The following FRMD6 variants were observed in gnomAD, a reference collection of about 807,000 sequenced individuals.
The protein encoded by FRMD6 is FERM domain containing 6.
Under a neutral mutation model 73.2 loss-of-function variants are expected in FRMD6, and 37 were observed. The ratio of observed to expected loss-of-function variants is 0.51; its 90% CI spans 0.39 to 0.66. The LOEUF (loss-of-function observed/expected upper bound fraction) is 0.66. Among genes scored for constraint, FRMD6 ranks in the 30% least tolerant of loss-of-function variants. FRMD6 has a pLI of 0.00. For synonymous variants in FRMD6, 273 were observed against 282.2 expected, an observed-to-expected ratio of 0.97 and a Z score of 0.33; for missense variants, 714 against 780.5, an observed-to-expected ratio of 0.91 and a Z score of 1.02.
chr14:51,677,547 T>G (rs1246280205), intron 1 of FRMD6, among the ~76,000 whole-genome samples: 1 of 152,112 alleles, frequency 6.6e-6, no homozygotes, highest in Non-Finnish European at 1.5e-5. Flanking sequence ...TTGAAAGGAA[T>G]TTTTGTGCCT....
intron 2 of FRMD6, among the ~76,000 whole-genome samples, chr14:51,612,161 A>C (rs1460086320): frequency 6.6e-6 from 1 of 152,240 alleles, no homozygotes; most frequent in Non-Finnish European, 1.5e-5. Flanking sequence ...TAGTGCATTT[A>C]ATCCTTTCAT....
chr14:51,503,668 G>A lies in FRMD6; in HGVS notation c.-210+14248G>A, dbSNP rs1236196189. On this transcript the variant is annotated intron_variant, in intron 1 of 14. Coordinates refer to the FRMD6 transcript ENST00000356218. ...CATTGATGTTCATCAAGGATATTGGGCTGAAGTTTTTTGTTTTTTTTTTTT... is the reference window on the plus strand; with the variant it reads ...CATTGATGTTCATCAAGGATATTGGACTGAAGTTTTTTGTTTTTTTTTTTT... 2.3e-5 allele frequency among the ~76,000 whole-genome samples: 3 copies of A among 131,650 alleles called. No individual in the cohort carries two copies. In the East Asian group the frequency reaches 7.2e-4, roughly 32 times the overall value. The allele number at this position is 131,650 out of a possible 152,430, so 86.4% of individuals were successfully genotyped here.
At chr14:51,534,036 T>C (rs1451687926) in intron 1 of FRMD6, among the ~76,000 whole-genome samples, 1 of 152,264 alleles carries the variant, frequency 6.6e-6, no homozygotes, top group African/African-American at 2.4e-5. Flanking sequence ...TTGGGTTGAC[T>C]GGTTGTTGCA....
At chr14:51,613,629 C>T (rs1890598866) in intron 2 of FRMD6, among the ~76,000 whole-genome samples, 1 of 152,094 alleles carries the variant, frequency 6.6e-6, no homozygotes, top group South Asian at 2.1e-4. Context: ...GTTTTGTCAG[C>T]ATCATAGCTC....
At chr14:51,493,706 T>G (rs1465860562) in intron 1 of FRMD6, among the ~76,000 whole-genome samples, 1 of 152,240 alleles carries the variant, frequency 6.6e-6, no homozygotes, top group Admixed American at 6.5e-5. Flanking sequence ...ATTTACTATA[T>G]GAATATAGTT....
At chr14:51,466,718 A>G in the FRMD6 span, among the ~76,000 whole-genome samples, 1 of 152,208 alleles carries the variant, frequency 6.6e-6, no homozygotes, top group East Asian at 1.9e-4. Context: ...GCCTTATTCT[A>G]GATTCTTTGC....
chr14:51,640,072 A>G (rs1441494476), intron 2 of FRMD6, among the ~76,000 whole-genome samples: 1 of 152,208 alleles, frequency 6.6e-6, no homozygotes, highest in African/African-American at 2.4e-5. Flanking sequence ...TAGTTGAATG[A>G]CTTCTTATTG....
At chr14:51,548,499 C>G (rs1432921186) in intron 1 of FRMD6, among the ~76,000 whole-genome samples, 1 of 152,150 alleles carries the variant, frequency 6.6e-6, no homozygotes, top group African/African-American at 2.4e-5. Flanking sequence ...GTAATTAGCT[C>G]TGGATCCCTT....
the FRMD6 span, among the ~76,000 whole-genome samples, chr14:51,469,618 G>GAAAAA: frequency 6.2e-5 from 6 of 96,764 alleles, no homozygotes; most frequent in South Asian, 3.6e-4. Context: ...ATTTCAAAAA[G>GAAAAA]AAAAAAAAAA....
intron 2 of FRMD6, among the ~76,000 whole-genome samples, chr14:51,590,553 A>C (rs1404163637): frequency 6.6e-6 from 1 of 152,210 alleles, no homozygotes; most frequent in Non-Finnish European, 1.5e-5. Context: ...AAGTAAGAGT[A>C]CAGACTGTGT....
At chr14:51,531,515 T>C (rs1885582602) in intron 1 of FRMD6, among the ~76,000 whole-genome samples, 1 of 152,182 alleles carries the variant, frequency 6.6e-6, no homozygotes, top group South Asian at 2.1e-4. Context: ...CTGAATAAAG[T>C]CTGCAATTTG....
the FRMD6 span, among the ~76,000 whole-genome samples, chr14:51,405,192 T>G: frequency 2.0e-5 from 3 of 152,214 alleles, no homozygotes; most frequent in Non-Finnish European, 2.9e-5. Flanking sequence ...GGCATTTAGG[T>G]TGATTCCATA....
At chr14:51,707,441 G>T (rs1275366795) in intron 6 of FRMD6, among the ~76,000 whole-genome samples, 1 of 152,092 alleles carries the variant, frequency 6.6e-6, no homozygotes, top group African/African-American at 2.4e-5. Context: ...GCAGCTGCTG[G>T]ATACTATATA....
Position 51,519,908 on chromosome 14 carries a change from A to G in FRMD6, c.-210+30488A>G, listed in dbSNP as rs186769943. ...GGCAATATGATTTGATTTGGCACTG[A>G]ATTTTAAGAGACATTCACTCCACGC... On this transcript the variant is annotated intron_variant, in intron 1 of 14. Transcript: ENST00000356218. Among the ~76,000 whole-genome samples, 16 of 152,282 alleles carry G rather than the reference A, an allele frequency of 1.1e-4. No homozygotes were observed. In the East Asian group the frequency reaches 2.9e-3, roughly 28 times the overall value.
intron 7 of FRMD6, among the ~76,000 whole-genome samples, chr14:51,709,363 C>A (rs145409784): frequency 0.01 from 1,544 of 152,098 alleles, 12 homozygotes; most frequent in South Asian, 0.018. Flanking sequence ...AAAACAGTGC[C>A]CAGCACATGT....
At position 51,654,312 on chromosome 14, in the gene FRMD6, G is replaced by GA. The variant is rs1474339192; in HGVS notation, c.-147+2316_-147+2317insA. On this transcript the variant is annotated intron_variant, in intron 1 of 13. Transcript: ENST00000344768. The stretch of plus-strand genomic sequence containing the variant: ...GAACTAGGTTAGCTGAATTGGGGGG[G>GA]GGGTCTTTTTGTAGTTTTTGGATTT... 1.4e-5 allele frequency among the ~76,000 whole-genome samples: 2 copies of GA among 141,010 alleles called. 1 individual carries two copies. Among genetic ancestry groups the GA allele is most frequent in the Non-Finnish European group, 3.1e-5 (2 of 64,752 alleles). 92.5% of individuals were successfully genotyped at this position (141,010 alleles called of 152,430 possible). A position where few individuals can be genotyped will look rare whatever the true frequency, so the allele number is the denominator to read the frequency against.
intron 1 of FRMD6, among the ~76,000 whole-genome samples, chr14:51,549,595 CT>C (rs35356416): frequency 0.034 from 3,303 of 97,798 alleles, 21 homozygotes; most frequent in Middle Eastern, 0.075. Flanking sequence ...TTTTTTCTTT[CT>C]TTTTTTTTTT....
At chr14:51,467,185 C>A in the FRMD6 span, among the ~76,000 whole-genome samples, 4 of 152,042 alleles carry the variant, frequency 2.6e-5, no homozygotes, top group Non-Finnish European at 5.9e-5. Context: ...GAGCATGCTG[C>A]CTTCAAGCAT....
rs745840563 is a variant in FRMD6 at position 51,708,072 on chromosome 14, C to G, written c.559-6C>G. ...GTTGCATTGCACACCCCTTGTATCC[C>G]AACAGGTTGTTTCCAAGAGGGGGAA... On this transcript the variant is annotated splice_region_variant and splice_polypyrimidine_tract_variant and intron_variant, in intron 6 of 13. Transcript: ENST00000344768. 1 of 1,612,712 alleles carries G rather than the reference C, an allele frequency of 6.2e-7. No homozygotes were observed. The highest frequency in any genetic ancestry group is 8.5e-7 in the Non-Finnish European group (1 of 1,179,128).
Sources: allele counts gnomAD v4.1 joint callset (sites outside exome capture counted in the v4.1 genomes callset), GRCh38; gene constraint gnomAD v4.1.1; transcripts MANE v1.5; gene names NCBI Gene and HGNC (gene_info 2026-07-23, HGNC 2026-07-21).